Variants in ACTR3 observed in about 807,000 individuals in gnomAD.
ACTR3 encodes actin related protein 3.
A neutral mutation model predicts 56.8 loss-of-function variants in ACTR3; 12 were observed. That is an observed-to-expected ratio of 0.21 (90% CI 0.14 to 0.34). The LOEUF (loss-of-function observed/expected upper bound fraction) is 0.34, where lower values mean the gene tolerates loss of function less well. ACTR3 is among the 10% of genes least tolerant of loss of function. The pLI, the probability that ACTR3 is intolerant of heterozygous loss-of-function variation, is 1.00. For missense variants in ACTR3, 282 were observed against 512.5 expected (o/e 0.55, Z 4.34); for synonymous variants, 162 against 167.4 (o/e 0.97, Z 0.25).
upstream of ACTR3, chr2:113,890,002 G>A (rs1463844064): frequency 1.8e-6 from 1 of 549,118 alleles, no homozygotes; most frequent in Non-Finnish European, 3.2e-6. Context: ...GGAAGAAGTT[G>A]TAGGGTGGGG....
intron 8 of ACTR3, among the ~76,000 whole-genome samples, chr2:113,949,855 G>T (rs1201206358): frequency 4.6e-5 from 7 of 152,186 alleles, no homozygotes; most frequent in Non-Finnish European, 1.0e-4. Flanking sequence ...GAGTCACCAT[G>T]CCCAGCTTCA....
At chr2:113,909,925 G>A (rs545372741) in intron 1 of ACTR3, among the ~76,000 whole-genome samples, 2 of 152,236 alleles carry the variant, frequency 1.3e-5, no homozygotes, top group African/African-American at 2.4e-5. Flanking sequence ...AGCCAGTAGA[G>A]CATCATTTGA....
chr2:113,920,627 C>T lies in ACTR3; in HGVS notation c.225+3619C>T, dbSNP rs577828850. ...TGTAATTTTGTATCCTTTATTCAAG[C>T]TCTCCCTATTCCCTTCTTTCCCCTA... is the stretch of plus-strand genomic sequence containing the variant. On this transcript the variant is annotated intron_variant, in intron 3 of 11. Coordinates refer to ENST00000263238, the MANE Select transcript of ACTR3 (RefSeq NM_005721.5). Among the ~76,000 whole-genome samples the T allele has an allele frequency of 5.3e-5, 8 of 152,284 alleles. No homozygotes were observed. The East Asian group carries it at 1.2e-3, about 22-fold the overall frequency.
At chr2:113,919,118 A>AT (rs1229804519) in intron 3 of ACTR3, among the ~76,000 whole-genome samples, 26 of 152,208 alleles carry the variant, frequency 1.7e-4, no homozygotes, top group African/African-American at 5.6e-4. Flanking sequence ...TTTAAAGTAA[A>AT]TTGTACATAC....
chr2:113,926,978 A>C (rs1001881985), intron 3 of ACTR3, among the ~76,000 whole-genome samples: 1 of 152,252 alleles, frequency 6.6e-6, no homozygotes, highest in Non-Finnish European at 1.5e-5. Context: ...TGCATTAAAA[A>C]TTAAGGAAAT....
intron 1 of ACTR3, among the ~76,000 whole-genome samples, chr2:113,901,553 T>C (rs1415980015): frequency 1.3e-5 from 2 of 152,242 alleles, no homozygotes; most frequent in Non-Finnish European, 2.9e-5. Flanking sequence ...ATTTTTATGA[T>C]ATGGTAAGAG....
intron 1 of ACTR3, chr2:113,890,647 G>T: frequency 2.4e-6 from 3 of 1,251,692 alleles, no homozygotes; most frequent in Non-Finnish European, 3.0e-6. Context: ...GTCGTCTTGG[G>T]GGTGGTCCCC....
At chr2:113,926,303 A>G (rs1297250883) in intron 3 of ACTR3, among the ~76,000 whole-genome samples, 1 of 152,264 alleles carries the variant, frequency 6.6e-6, no homozygotes, top group Non-Finnish European at 1.5e-5. Flanking sequence ...AAACTGAATT[A>G]CTGTGACTTG....
rs1047158653 is a variant in ACTR3, at chr2:113,962,010, A to G, written c.*4555A>G. On this transcript the variant is annotated 3_prime_UTR_variant, in exon 12 of 12. Coordinates refer to ENST00000263238, the MANE Select transcript of ACTR3 (RefSeq NM_005721.5). ...GTGCCTGACATATTGCTTGGCATATAGTAGTTTAGTGGATGTGTTTGATGA... is the reference window on the plus strand; with the variant it reads ...GTGCCTGACATATTGCTTGGCATATGGTAGTTTAGTGGATGTGTTTGATGA... 5.3e-5 allele frequency: 8 copies of G among 152,012 alleles called. No homozygotes were observed. The highest frequency in any genetic ancestry group is 5.2e-4 in the Admixed American group (8 of 15,240). 9.4% of individuals were successfully genotyped at this position (152,012 alleles called of 1,614,324 possible). A position where few individuals can be genotyped will look rare whatever the true frequency, so the allele number is the denominator to read the frequency against.
chr2:113,918,328 TTTC>T (rs1679444835), intron 3 of ACTR3, among the ~76,000 whole-genome samples: 1 of 152,144 alleles, frequency 6.6e-6, no homozygotes, highest in African/African-American at 2.4e-5. Flanking sequence ...TGAATTTTGA[TTTC>T]TTCGTCTGTA....
At chr2:113,890,782 G>A (rs1469550299) in intron 1 of ACTR3, 2 of 1,010,062 alleles carry the variant, frequency 2.0e-6, no homozygotes, top group Admixed American at 1.2e-4. Context: ...GCTCCTGGTA[G>A]GTTTGACAAG....
At chr2:113,927,569 A>C (rs923373959) in intron 4 of ACTR3, 114 bp downstream of exon 4, 1 of 645,764 alleles carries the variant, frequency 1.5e-6, no homozygotes. Flanking sequence ...TGTCTAAATG[A>C]CTTTGTAATA....
intron 1 of ACTR3, among the ~76,000 whole-genome samples, chr2:113,900,060 A>G (rs948444631): frequency 6.6e-6 from 1 of 152,192 alleles, no homozygotes; most frequent in East Asian, 1.9e-4. Context: ...GTCTGGGTCT[A>G]GTATTTTACT....
At chr2:113,891,266 C>G (rs1392442727) in intron 1 of ACTR3, among the ~76,000 whole-genome samples, 1 of 152,070 alleles carries the variant, frequency 6.6e-6, no homozygotes, top group Non-Finnish European at 1.5e-5. Flanking sequence ...AAGTTGTATT[C>G]GTTCATTCTG....
At chr2:113,946,478 T>C (rs1384238966) in intron 8 of ACTR3, among the ~76,000 whole-genome samples, 1 of 152,184 alleles carries the variant, frequency 6.6e-6, no homozygotes, top group East Asian at 1.9e-4. Context: ...TTGAGCTTTT[T>C]TTCTTAAGAT....
rs545983387 is a variant in ACTR3, at chr2:113,939,106, C to T, written c.541-853C>T. 1.8e-4 allele frequency among the ~76,000 whole-genome samples: 27 copies of T among 151,804 alleles called. No homozygotes were observed. The South Asian group carries it at 5.6e-3, about 32-fold the overall frequency. On this transcript the variant is annotated intron_variant, in intron 6 of 11. Transcript: ENST00000263238. Reference sequence around the variant, plus strand: ...TGGTGCGATCTCGACTCACTGCAAGCTCCGCCTCCCGGGTTCACGCCATTC... The same window carrying T: ...TGGTGCGATCTCGACTCACTGCAAGTTCCGCCTCCCGGGTTCACGCCATTC...
intron 6 of ACTR3, among the ~76,000 whole-genome samples, chr2:113,939,170 C>T (rs1336042553): frequency 1.3e-5 from 2 of 151,602 alleles, no homozygotes; most frequent in African/African-American, 2.4e-5. Context: ...ACTACAGGCG[C>T]GCGCCACCAT....
intron 1 of ACTR3, among the ~76,000 whole-genome samples, chr2:113,910,951 T>C (rs1267093361): frequency 6.6e-6 from 1 of 152,206 alleles, no homozygotes; most frequent in African/African-American, 2.4e-5. Flanking sequence ...AATAATTCAC[T>C]ATTGGTTAGA....
At chr2:113,942,720 CCCCT>C (rs1679946668) in intron 8 of ACTR3, among the ~76,000 whole-genome samples, 1 of 151,784 alleles carries the variant, frequency 6.6e-6, no homozygotes, top group Admixed American at 6.6e-5. Flanking sequence ...GAAAGCTCCC[CCCCT>C]CCCTATTTGT....
Sources: gnomAD v4.1 joint callset for allele counts (sites outside exome capture counted in the v4.1 genomes callset) on GRCh38, gnomAD v4.1.1 for gene constraint, MANE v1.5 for transcripts, NCBI Gene and HGNC (gene_info 2026-07-23, HGNC 2026-07-21) for gene names.